SPATA24: variants seen among roughly 807,000 people sequenced by gnomAD.
SPATA24 encodes the protein spermatogenesis associated 24.
Under a neutral mutation model 28.9 loss-of-function variants are expected in SPATA24, and 21 were observed. The observed-to-expected ratio is 0.73, with a 90% CI of 0.52 to 1.05. The LOEUF (loss-of-function observed/expected upper bound fraction) is 1.05, where lower values mean the gene tolerates loss of function less well. Among genes scored for constraint, SPATA24 ranks in the 50% least tolerant of loss-of-function variants. The pLI, the probability that SPATA24 is intolerant of heterozygous loss-of-function variation, is 0.00. For missense variants in SPATA24, 215 were observed against 242.9 expected, an observed-to-expected ratio of 0.88 and a Z score of 0.76; for synonymous variants, 76 against 89.9, an observed-to-expected ratio of 0.85 and a Z score of 0.88.
At chr5:139,394,357 C>A, downstream of SPATA24, 1 of 1,420,222 alleles carries the variant, frequency 7.0e-7, no homozygotes, top group Non-Finnish European at 9.1e-7. Context: ...CTGCAGGGGG[C>A]CCAGCGACTC....
downstream of SPATA24, chr5:139,394,178 C>G: frequency 6.5e-7 from 1 of 1,546,262 alleles, no homozygotes; most frequent in Non-Finnish European, 8.7e-7. Flanking sequence ...TTATCTCGTA[C>G]GCGAAGTGGC....
At chr5:139,401,484 T>G in intron 4 of SPATA24, 1 of 620,584 alleles carries the variant, frequency 1.6e-6, no homozygotes, top group Non-Finnish European at 2.9e-6. Flanking sequence ...AAACAAAAGG[T>G]GGACTAAGAA....
downstream of SPATA24, chr5:139,392,513 G>A (rs1440546480): frequency 1.5e-6 from 2 of 1,345,800 alleles, no homozygotes; most frequent in East Asian, 3.1e-5. This position sits in a 1 kb window ranked among gnomAD's most constrained non-coding sequence, Gnocchi z 5.8. Context: ...TCCGTGGGAG[G>A]CGCCGAGGCA....
downstream of SPATA24, chr5:139,393,976 C>T (rs1758645306): frequency 6.4e-7 from 1 of 1,550,564 alleles, no homozygotes; most frequent in African/African-American, 1.4e-5. Context: ...ACTCCGTGCC[C>T]TCTGAACAGT....
downstream of SPATA24, chr5:139,393,517 C>A (rs972349959): frequency 6.4e-7 from 1 of 1,551,484 alleles, no homozygotes; most frequent in Non-Finnish European, 8.7e-7. Flanking sequence ...CATGGGATCC[C>A]ATGTCTCTTG....
chr5:139,402,527 G>A (rs1435974999), intron 2 of SPATA24, 101 bp downstream of exon 2: 1 of 1,085,980 alleles, frequency 9.2e-7, no homozygotes, highest in African/African-American at 1.6e-5. Context: ...ACAGTTGTGA[G>A]CCACTGCACC....
downstream of SPATA24, chr5:139,394,700 C>T: frequency 2.0e-6 from 3 of 1,533,638 alleles, no homozygotes; most frequent in Non-Finnish European, 2.6e-6. Context: ...GCCTCGCGAT[C>T]GTCTGCGCCG....
At chr5:139,399,127 C>T (rs1189061590) in intron 4 of SPATA24, among the ~76,000 whole-genome samples, 1 of 151,066 alleles carries the variant, frequency 6.6e-6, no homozygotes, top group Non-Finnish European at 1.5e-5. Context: ...ACCATCCTGG[C>T]TAACACGGTG....
At chr5:139,398,107 C>A (rs1758749980) in intron 4 of SPATA24, among the ~76,000 whole-genome samples, 1 of 151,784 alleles carries the variant, frequency 6.6e-6, no homozygotes, top group Non-Finnish European at 1.5e-5. Flanking sequence ...CCAGTCCAAA[C>A]AAACTTCCCG....
downstream of SPATA24, chr5:139,392,699 C>T (rs989412618): frequency 4.3e-5 from 59 of 1,386,774 alleles, no homozygotes; most frequent in Non-Finnish European, 5.5e-5. This position sits in a 1 kb window ranked among gnomAD's most constrained non-coding sequence, Gnocchi z 5.8. Flanking sequence ...GATCGGACCC[C>T]TGCTGGCCCT....
intron 2 of SPATA24, among the ~76,000 whole-genome samples, chr5:139,402,366 C>T (rs1012446780): frequency 6.6e-6 from 1 of 151,726 alleles, no homozygotes; most frequent in African/African-American, 2.4e-5. Context: ...AGGCGCCTGC[C>T]ACCACGCATG....
At chr5:139,398,356 G>A (rs968405768) in intron 4 of SPATA24, among the ~76,000 whole-genome samples, 34 of 151,110 alleles carry the variant, frequency 2.3e-4, no homozygotes, top group Non-Finnish European at 3.7e-4. Context: ...GAGCCCAGGA[G>A]TAAGAGACCA....
chr5:139,397,152 G>A lies in SPATA24; in HGVS notation c.386-9C>T. 1 of 1,547,902 alleles carries A rather than the reference G, an allele frequency of 6.5e-7. No homozygotes were observed. The highest frequency in any genetic ancestry group is 2.4e-5 in the East Asian group (1 of 40,906). Reference sequence around the variant, plus strand: ...AATGTGAGACTCAATCTCTGTGGGGGAGAGAGGCAGGGAGGAGGGGTGGTT... The same window carrying A: ...AATGTGAGACTCAATCTCTGTGGGGAAGAGAGGCAGGGAGGAGGGGTGGTT... On this transcript the variant is annotated splice_polypyrimidine_tract_variant and intron_variant, in intron 4 of 5. Coordinates refer to ENST00000450845, the MANE Select transcript of SPATA24 (RefSeq NM_194296.2).
downstream of SPATA24, chr5:139,394,665 G>A (rs1758662785): frequency 6.5e-7 from 1 of 1,534,960 alleles, no homozygotes; most frequent in Non-Finnish European, 8.7e-7. Flanking sequence ...GGCTGATGAA[G>A]GCCGGCTCCG....
chr5:139,396,931 TGCAACGGAGCCG>T lies in SPATA24; in HGVS notation c.489-14_489-3del. On this transcript the variant is annotated splice_polypyrimidine_tract_variant and splice_region_variant and intron_variant, in intron 5 of 5. Transcript: ENST00000450845. ...ATCCGGAAGTCAGACATGTGATTCC[TGCAACGGAGCCG>T]GCTGGTGGTGGGCTGTGGACAGCCA... 4.5e-6 allele frequency: 7 copies of T among 1,551,646 alleles called. No individual in the cohort carries two copies. Among genetic ancestry groups the T allele is most frequent in the Non-Finnish European group, 6.1e-6 (7 of 1,146,958 alleles).
chr5:139,394,836 G>A (rs1758667733), downstream of SPATA24: 2 of 1,531,296 alleles, frequency 1.3e-6, no homozygotes, highest in African/African-American at 1.4e-5. Context: ...AGCCGGGCCC[G>A]TGCCGCTGGC....
At chr5:139,394,694 C>T (rs1473913968), downstream of SPATA24, 12 of 1,533,630 alleles carry the variant, frequency 7.8e-6, no homozygotes, top group Non-Finnish European at 8.7e-7. Context: ...TGTTGCGCCT[C>T]GCGATCGTCT....
At chr5:139,392,957 C>T (rs1330736935), downstream of SPATA24, 5 of 1,507,568 alleles carry the variant, frequency 3.3e-6, no homozygotes, top group Admixed American at 1.1e-4. The surrounding 1 kb of genome is among the most constrained non-coding windows in gnomAD (Gnocchi z 5.8). Flanking sequence ...GGCTGTGAGG[C>T]GTCCCGGGCG....
At chr5:139,393,252 TC>T, downstream of SPATA24, 1 of 1,549,448 alleles carries the variant, frequency 6.5e-7, no homozygotes. Flanking sequence ...AGGCCGCCTC[TC>T]CAGGACCCAA....
Sources: gnomAD v4.1 joint callset for allele counts (sites outside exome capture counted in the v4.1 genomes callset) on GRCh38, gnomAD v4.1.1 for gene constraint, Gnocchi (gnomAD v3.1) non-coding constraint, MANE v1.5 for transcripts, NCBI Gene and HGNC (gene_info 2026-07-23, HGNC 2026-07-21) for gene names.